The following THADA variants were observed in gnomAD, a reference collection of about 807,000 sequenced individuals.
The protein encoded by THADA is tRNA (32-2'-O)-methyltransferase regulator THADA.
THADA carries 213 observed loss-of-function variants against 219.8 expected under a neutral mutation model. The ratio of observed to expected loss-of-function variants is 0.97; its 90% CI spans 0.87 to 1.09. The LOEUF (loss-of-function observed/expected upper bound fraction) is 1.09, where lower values mean the gene tolerates loss of function less well. THADA is among the 50% of genes least tolerant of loss of function. The pLI, the probability that THADA is intolerant of heterozygous loss-of-function variation, is 0.00. For synonymous variants in THADA, 1,018 were observed against 828.9 expected, an observed-to-expected ratio of 1.23 and a Z score of -3.92; for missense variants, 2,956 against 2,311.3, an observed-to-expected ratio of 1.28 and a Z score of -5.72.
At chr2:43,283,241 A>G (rs1673576148) in intron 35 of THADA, among the ~76,000 whole-genome samples, 2 of 152,064 alleles carry the variant, frequency 1.3e-5, no homozygotes, top group South Asian at 4.1e-4. Context: ...AGCCAATTAA[A>G]CCTCTTTTCT....
intron 28 of THADA, among the ~76,000 whole-genome samples, chr2:43,410,444 C>T (rs1676142673): frequency 6.6e-6 from 1 of 152,182 alleles, no homozygotes; most frequent in Admixed American, 6.5e-5. Context: ...ATGATTGTTC[C>T]TAGCAAGTTA....
intron 30 of THADA, among the ~76,000 whole-genome samples, chr2:43,321,751 A>C (rs544950006): frequency 6.6e-6 from 1 of 152,216 alleles, no homozygotes; most frequent in Non-Finnish European, 1.5e-5. Context: ...TGAGTGTTCA[A>C]TGTGGCACAG....
chr2:43,269,791 T>C (rs1671927254), intron 36 of THADA, among the ~76,000 whole-genome samples: 1 of 152,208 alleles, frequency 6.6e-6, no homozygotes, highest in South Asian at 2.1e-4. Context: ...TCCTAGCCTC[T>C]TCTGTTTCCT....
intron 31 of THADA, among the ~76,000 whole-genome samples, chr2:43,297,176 C>A: frequency 4.3e-5 from 4 of 92,094 alleles, no homozygotes; most frequent in African/African-American, 5.5e-5. Context: ...ATGTGGGGAG[C>A]GCCTCTGCCC....
At chr2:43,381,250 T>C (rs1355780641) in intron 29 of THADA, among the ~76,000 whole-genome samples, 1 of 152,094 alleles carries the variant, frequency 6.6e-6, no homozygotes, top group African/African-American at 2.4e-5. Flanking sequence ...AATGTAATAC[T>C]GGATTATAAC....
intron 29 of THADA, among the ~76,000 whole-genome samples, chr2:43,365,468 G>C (rs561199781): frequency 6.6e-6 from 1 of 151,830 alleles, no homozygotes; most frequent in African/African-American, 2.4e-5. Flanking sequence ...CTACTAGGGA[G>C]GCTGAGGCAG....
At chr2:43,566,894 C>A in intron 14 of THADA, 73 bp from the exon 15 acceptor site, 2 of 1,033,336 alleles carry the variant, frequency 1.9e-6, no homozygotes, top group Non-Finnish European at 2.6e-6. Context: ...ATTAAACACC[C>A]TTTAAGAGTG....
rs1251815772 is a variant in THADA at position 43,508,727 on chromosome 2, A to G, written c.3428T>C (p.Leu1143Ser). ...AGGATCACTGCATTTAATTTCCTCT[A>G]AAACACTCCATAGCCACTGTTCTGG... ...KLPEQWLWSV[L>S]EEIKCSDPSS... Residue 1143 changes from leucine to serine, a missense_variant, in exon 23 of 38, where the codon TTA (leucine) becomes TCA (serine). By Grantham distance (145) the Leu-to-Ser change is moderately radical (BLOSUM62 -2). Transcript: ENST00000405975. 1 of 1,613,796 alleles carries G rather than the reference A, an allele frequency of 6.2e-7. No individual in the cohort carries two copies. Among genetic ancestry groups the G allele is most frequent in the East Asian group, 2.2e-5 (1 of 44,880 alleles).
chr2:43,234,315 A>G (rs1438590865), intron 36 of THADA, among the ~76,000 whole-genome samples: 2 of 152,290 alleles, frequency 1.3e-5, no homozygotes, highest in East Asian at 1.9e-4. Flanking sequence ...GACTATTCAG[A>G]GGTCACACAG....
intron 22 of THADA, among the ~76,000 whole-genome samples, chr2:43,527,450 CT>C (rs1335726216): frequency 6.6e-6 from 1 of 152,084 alleles, no homozygotes; most frequent in Non-Finnish European, 1.5e-5. Context: ...ACTTACTGTT[CT>C]TTTAAACTTT....
intron 7 of THADA, among the ~76,000 whole-genome samples, chr2:43,585,406 T>C (rs779367310): frequency 6.7e-6 from 1 of 149,692 alleles, no homozygotes; most frequent in South Asian, 2.1e-4. Flanking sequence ...TAGTCCCAGC[T>C]ACTTGGGAGA....
chr2:43,521,055 AGAAGGAAGGGAAGGATAGGAAGG>A (rs1413615519), intron 22 of THADA, among the ~76,000 whole-genome samples: 3 of 115,574 alleles, frequency 2.6e-5, no homozygotes, highest in African/African-American at 1.0e-4. Context: ...GGGAAGGAAG[AGAAGGAAGGGAAGGATAGGAAGG>A]GAAGGAAGGG....
In THADA at chr2:43,566,760, G is replaced by C; in HGVS notation, c.2249C>G (p.Ser750Trp). The C allele has an allele frequency of 1.3e-6, 2 of 1,572,072 alleles. No individual in the cohort carries two copies. Among genetic ancestry groups the C allele is most frequent in the Non-Finnish European group, 1.7e-6 (2 of 1,165,970 alleles). ...FEALFPGSSYSTRFSALTILG... is the reference protein window; with the variant it reads ...FEALFPGSSYWTRFSALTILG... ...AATGGTTAAAGCTGAAAATCTAGTCGAGTAGGAAGATCCAGGAAACAATGC... is the reference window on the plus strand; with the variant it reads ...AATGGTTAAAGCTGAAAATCTAGTCCAGTAGGAAGATCCAGGAAACAATGC... Residue 750 changes from serine to tryptophan, a missense_variant, in exon 15 of 38, where the codon TCG (serine) becomes TGG (tryptophan). Coordinates refer to ENST00000405975, the MANE Select transcript of THADA (RefSeq NM_022065.5).
chr2:43,278,569 G>A (rs1312312331), intron 36 of THADA, among the ~76,000 whole-genome samples: 1 of 152,216 alleles, frequency 6.6e-6, no homozygotes, highest in African/African-American at 2.4e-5. Flanking sequence ...GAGCCTGCTT[G>A]CATATCACTT....
rs774810006 is a variant in THADA at position 43,508,745 on chromosome 2, T to C, written c.3410A>G (p.Gln1137Arg). 61 of 1,613,780 alleles carry C rather than the reference T, an allele frequency of 3.8e-5. No individual in the cohort carries two copies. Among genetic ancestry groups the C allele is most frequent in the Non-Finnish European group, 5.2e-5 (61 of 1,179,718 alleles). The change falls in exon 23 of 38, where the codon CAG becomes CGG. Residue 1137 changes from glutamine to arginine, a missense_variant. Transcript: ENST00000405975. ...PNVSLQKLPE[Q>R]WLWSVLEEIK... ...TTCCTCTAAAACACTCCATAGCCAC[T>C]GTTCTGGCAGCTTTTGCAGACTCAC...
intron 29 of THADA, 105 bp from the exon 30 acceptor site, chr2:43,344,342 A>G (rs1667393044): frequency 4.1e-6 from 3 of 723,224 alleles, no homozygotes; most frequent in Non-Finnish European, 4.5e-6. Context: ...CAAAGAAAAC[A>G]GACACCTGCA....
intron 26 of THADA, among the ~76,000 whole-genome samples, chr2:43,466,788 AAT>A (rs1314430049): frequency 6.6e-6 from 1 of 152,182 alleles, no homozygotes; most frequent in Non-Finnish European, 1.5e-5. Flanking sequence ...AGAAAGCATA[AAT>A]ATGTTTCATT....
At chr2:43,448,502 C>T (rs1481197640) in intron 26 of THADA, among the ~76,000 whole-genome samples, 1 of 152,020 alleles carries the variant, frequency 6.6e-6, no homozygotes. Context: ...ACAAACCCCT[C>T]CCCTCAGGCT....
At chr2:43,403,098 C>T (rs1391959300) in intron 28 of THADA, among the ~76,000 whole-genome samples, 3 of 152,188 alleles carry the variant, frequency 2.0e-5, no homozygotes, top group East Asian at 1.9e-4. Flanking sequence ...TTAAGATGAA[C>T]AGAGTGAGGT....
Sources: gnomAD v4.1 joint callset for allele counts (sites outside exome capture counted in the v4.1 genomes callset) on GRCh38, gnomAD v4.1.1 for gene constraint, MANE v1.5 for transcripts, NCBI Gene and HGNC (gene_info 2026-07-23, HGNC 2026-07-21) for gene names.